The following DMXL2 variants were observed in gnomAD, a reference collection of about 807,000 sequenced individuals.
The protein encoded by DMXL2 is Dmx like 2, also known as dmX-like protein 2.
Under a neutral mutation model 331.1 loss-of-function variants are expected in DMXL2, and 103 were observed. The ratio of observed to expected loss-of-function variants is 0.31; its 90% confidence interval spans 0.27 to 0.37. The LOEUF (loss-of-function observed/expected upper bound fraction) is 0.37. Among genes scored for constraint, DMXL2 ranks in the 10% least tolerant of loss-of-function variants. The pLI is 1.00. For synonymous variants in DMXL2, 1,281 were observed against 1,252.1 expected (o/e 1.02, Z -0.49); for missense variants, 3,171 against 3,642.9 (o/e 0.87, Z 3.33).
At chr15:51,596,338 C>T (rs937183493) in intron 1 of DMXL2, among the ~76,000 whole-genome samples, 2 of 152,194 alleles carry the variant, frequency 1.3e-5, no homozygotes, top group Non-Finnish European at 2.9e-5. Context: ...CATCACTGGT[C>T]ATCAGAGAAA....
chr15:51,583,447 G>C (rs1401978357), intron 1 of DMXL2, among the ~76,000 whole-genome samples: 1 of 52,984 alleles, frequency 1.9e-5, no homozygotes, highest in African/African-American at 7.1e-5. Flanking sequence ...CCCTACAAAG[G>C]ATATGAACTC....
intron 4 of DMXL2, 112 bp downstream of exon 4, chr15:51,564,972 AAAAG>A: frequency 1.6e-6 from 1 of 634,764 alleles, no homozygotes; most frequent in Non-Finnish European, 2.4e-6. Context: ...TTCATCAACA[AAAAG>A]AAAATATAAT....
intron 13 of DMXL2, among the ~76,000 whole-genome samples, chr15:51,519,767 C>A (rs1240504998): frequency 6.6e-6 from 1 of 151,422 alleles, no homozygotes; most frequent in African/African-American, 2.4e-5. Context: ...CTTAGCCTCC[C>A]GAGTAGCTGG....
chr15:51,576,400 G>A (rs552694034), intron 1 of DMXL2, among the ~76,000 whole-genome samples: 2 of 152,136 alleles, frequency 1.3e-5, no homozygotes, highest in African/African-American at 4.8e-5. Context: ...TTCAACAACT[G>A]TTACTAATAG....
chr15:51,493,977 A>C (rs1433873732), intron 19 of DMXL2, among the ~76,000 whole-genome samples: 2 of 151,000 alleles, frequency 1.3e-5, no homozygotes, highest in African/African-American at 5.0e-5. Flanking sequence ...AACTTCTGGG[A>C]ATGTAAATGA....
At chr15:51,594,400 C>G (rs960575444) in intron 1 of DMXL2, among the ~76,000 whole-genome samples, 2 of 152,096 alleles carry the variant, frequency 1.3e-5, no homozygotes, top group Non-Finnish European at 1.5e-5. Flanking sequence ...CAATAACAGG[C>G]TCTGAAATTG....
At position 51,466,221 on chromosome 15, in the gene DMXL2, T is replaced by C. The variant is rs755289849; in HGVS notation, c.7483A>G (p.Thr2495Ala). The C allele has an allele frequency of 1.3e-6, 2 of 1,577,592 alleles. No individual in the cohort carries two copies. The highest frequency in any genetic ancestry group is 2.3e-5 in the East Asian group (1 of 42,834). The change falls in exon 30 of 44, where the codon ACA becomes GCA. Residue 2495 changes from threonine (T) to alanine (A), a missense_variant. Around this residue, in one of 7 missense-constraint regions of DMXL2, gnomAD observed 766 missense variants for 940.5 expected, o/e 0.81. Coordinates refer to ENST00000560891, the MANE Select transcript of DMXL2 (RefSeq NM_001378457.1). ...DEEDDAFFSD[T>A]QIQEHQDPNS... The stretch of plus-strand genomic sequence containing the variant: ...GGATCTTGGTGCTCCTGTATTTGTG[T>C]ATCTGAAAAAAAGGCATCATCTTCT...
At chr15:51,553,787 T>C (rs2049371820) in intron 6 of DMXL2, among the ~76,000 whole-genome samples, 1 of 111,842 alleles carries the variant, frequency 8.9e-6, no homozygotes, top group African/African-American at 3.2e-5. Flanking sequence ...ACATGCAGGG[T>C]TTAAAAAAAA....
At chr15:51,533,033 G>A (rs2048094336) in intron 13 of DMXL2, among the ~76,000 whole-genome samples, 1 of 152,150 alleles carries the variant, frequency 6.6e-6, no homozygotes, top group Non-Finnish European at 1.5e-5. Context: ...GTATATTCTG[G>A]CCATAACTAC....
At chr15:51,516,522 T>C (rs879779299) in intron 14 of DMXL2, among the ~76,000 whole-genome samples, 14 of 152,258 alleles carry the variant, frequency 9.2e-5, no homozygotes, top group Non-Finnish European at 1.3e-4. Context: ...CCGACCCTTC[T>C]ATGCAGCTGC....
chr15:51,571,554 AT>A (rs1454982255), intron 2 of DMXL2, among the ~76,000 whole-genome samples: 1 of 152,214 alleles, frequency 6.6e-6, no homozygotes, highest in Non-Finnish European at 1.5e-5. Context: ...TCCTCAGCAA[AT>A]GCAAAAGAAT....
chr15:51,536,685 G>A lies in DMXL2; in HGVS notation c.1795C>T (p.His599Tyr), dbSNP rs201200566. 6 of 1,614,106 alleles carry A rather than the reference G, an allele frequency of 3.7e-6. No homozygotes were observed. The East Asian group carries it at 1.3e-4, about 36-fold the overall frequency. Residue 599 changes from histidine (H) to tyrosine (Y), a missense_variant, in exon 12 of 44, where the codon CAC (histidine) becomes TAC (tyrosine). His to Tyr is a moderately conservative substitution (Grantham distance 83, BLOSUM62 2). Transcript: ENST00000560891. ...PHGSQPHSRS[H>Y]STHMNILAPT... ...GCTAAGATGTTCATATGTGTACTGTGGGATCTAGAGTGTGGCTGTGATCCG... is the reference window on the plus strand; with the variant it reads ...GCTAAGATGTTCATATGTGTACTGTAGGATCTAGAGTGTGGCTGTGATCCG...
intron 23 of DMXL2, among the ~76,000 whole-genome samples, chr15:51,482,877 C>T (rs1224866490): frequency 3.9e-5 from 6 of 152,294 alleles, no homozygotes; most frequent in Non-Finnish European, 7.3e-5. Context: ...GAATAAACAG[C>T]TAAGATTTGA....
Position 51,498,916 on chromosome 15 carries a change from A to C in DMXL2, c.4308T>G (p.Ala1436=), listed in dbSNP as rs2043377818. 1 of 1,614,028 alleles carries C rather than the reference A, an allele frequency of 6.2e-7. No individual in the cohort carries two copies. The highest frequency in any genetic ancestry group is 1.7e-5 in the Admixed American group (1 of 59,994). Residue 1436 remains alanine (A), a synonymous_variant, in exon 18 of 44, where the codon GCT becomes GCG. Transcript: ENST00000560891. ...TTCTGTAGGATGTATCTTGATCTGC[A>C]GCAAGTAATGCATATAGTGGTAGTG... ...IPPLPLYALL[A]ADQDTSYRIS... is the part of the protein sequence containing the mutation.
Position 51,622,703 on chromosome 15 carries a change from C to A in DMXL2, c.-158G>T. 7.3e-7 allele frequency: 1 copy of A among 1,366,810 alleles called. No individual in the cohort carries two copies. The highest frequency in any genetic ancestry group is 1.5e-5 in the South Asian group (1 of 65,220). 84.7% of individuals were successfully genotyped at this position (1,366,810 alleles called of 1,614,324 possible). ...CCTCGCCCCCCTTTCGCCTTCCCTC[C>A]GCCTCGTCCCTGCCATGGGAGCTCC... On this transcript the variant is annotated 5_prime_UTR_variant, in exon 1 of 44. Transcript: ENST00000560891.
chr15:51,454,363 T>G (rs1039101793), intron 40 of DMXL2, among the ~76,000 whole-genome samples: 1 of 151,886 alleles, frequency 6.6e-6, no homozygotes, highest in Non-Finnish European at 1.5e-5. Flanking sequence ...CATATCTCCA[T>G]CAGGTAAAGA....
rs747484135 is a variant in DMXL2 at position 51,498,873 on chromosome 15, T to C, written c.4351A>G (p.Lys1451Glu). Residue 1451 changes from lysine to glutamate, a missense_variant, in exon 18 of 44, where the codon AAG becomes GAG. Around this residue, in one of 7 missense-constraint regions of DMXL2, gnomAD observed 1,674 missense variants for 1,780.2 expected, o/e 0.94. Transcript: ENST00000560891. The stretch of plus-strand genomic sequence containing the variant: ...TGATCTTCATAGCTCTGTGGTATCT[T>C]TGTACTTTCTTCTGAAATTCTGTAG... ...TSYRISEEST[K>E]IPQSYEDQTV... The C allele has an allele frequency of 6.2e-7, 1 of 1,614,170 alleles. No homozygotes were observed. Among genetic ancestry groups the C allele is most frequent in the Non-Finnish European group, 8.5e-7 (1 of 1,180,002 alleles).
At chr15:51,606,371 T>C (rs1225670398) in intron 1 of DMXL2, among the ~76,000 whole-genome samples, 1 of 152,108 alleles carries the variant, frequency 6.6e-6, no homozygotes, top group African/African-American at 2.4e-5. Flanking sequence ...TAATTTCGTA[T>C]TTTTAGTAGA....
chr15:51,514,608 T>C (rs1408650268), intron 14 of DMXL2, 49 bp from the exon 15 acceptor site: 1 of 1,080,794 alleles, frequency 9.3e-7, no homozygotes, highest in Non-Finnish European at 1.4e-6. Flanking sequence ...AAATTCCCTG[T>C]CTCCCATCTC....
Sources: allele counts gnomAD v4.1 joint callset (sites outside exome capture counted in the v4.1 genomes callset), GRCh38; gene constraint gnomAD v4.1.1; regional missense constraint gnomAD v4.1.1; transcripts MANE v1.5; gene names NCBI Gene and HGNC (gene_info 2026-07-23, HGNC 2026-07-21).